The following PRKCB variants were observed in gnomAD, a reference collection of about 807,000 sequenced individuals.
The protein encoded by PRKCB is protein kinase C beta, also known as protein kinase C beta type.
In PRKCB, 13 loss-of-function variants were observed where a neutral mutation model predicts 81.5. The observed-to-expected ratio is 0.16, with a 90% CI of 0.10 to 0.25. PRKCB has a LOEUF of 0.25. Among genes scored for constraint, PRKCB ranks in the 10% least tolerant of loss-of-function variants. The pLI, the probability that PRKCB is intolerant of heterozygous loss-of-function variation, is 1.00. For synonymous variants in PRKCB, 335 were observed against 321.4 expected, an observed-to-expected ratio of 1.04 and a Z score of -0.45; for missense variants, 509 against 875.7, an observed-to-expected ratio of 0.58 and a Z score of 5.29.
At chr16:24,177,054 C>T (rs1305714797) in intron 12 of PRKCB, among the ~76,000 whole-genome samples, 3 of 152,286 alleles carry the variant, frequency 2.0e-5, no homozygotes, top group Non-Finnish European at 2.9e-5. Context: ...GACCTAACTC[C>T]TATGTGGGAT....
intron 8 of PRKCB, among the ~76,000 whole-genome samples, chr16:24,119,413 C>T (rs768074147): frequency 1.5e-4 from 23 of 152,116 alleles, no homozygotes; most frequent in Non-Finnish European, 2.5e-4. Flanking sequence ...GTTTGAGGTC[C>T]GTGCTCACGT....
At position 23,847,374 on chromosome 16, in the gene PRKCB, ATCTG is replaced by A. The variant is rs1423664760; in HGVS notation, c.205+9971_205+9974del. 0.023 allele frequency among the ~76,000 whole-genome samples: 166 copies of A among 7,078 alleles called. 3 individuals carry two copies. In the East Asian group the frequency reaches 0.25, roughly 11 times the overall value. 4.6% of individuals were successfully genotyped at this position (7,078 alleles called of 152,430 possible). ...TATCTATCTATCTATCTATCTATCT[ATCTG>A]TCCATCTATCTATCTATCCATCCAT... On this transcript the variant is annotated intron_variant, in intron 2 of 16. Transcript: ENST00000643927.
intron 2 of PRKCB, among the ~76,000 whole-genome samples, chr16:23,902,516 C>T (rs1373244557): frequency 6.6e-6 from 1 of 152,026 alleles, no homozygotes; most frequent in Non-Finnish European, 1.5e-5. Context: ...TTTCAGCATC[C>T]TTTGAGGAAT....
At chr16:23,867,365 ACC>A (rs1176261765) in intron 2 of PRKCB, among the ~76,000 whole-genome samples, 2 of 152,094 alleles carry the variant, frequency 1.3e-5, no homozygotes, top group Admixed American at 6.5e-5. Flanking sequence ...CAGGTGATCC[ACC>A]GGCCTCGGCC....
intron 2 of PRKCB, among the ~76,000 whole-genome samples, chr16:23,863,629 G>A (rs1032381772): frequency 6.6e-6 from 1 of 152,104 alleles, no homozygotes; most frequent in South Asian, 2.1e-4. Context: ...TTTCATTTTC[G>A]TATGGAAAGT....
At chr16:24,192,649 G>A (rs1333062023) in intron 16 of PRKCB, among the ~76,000 whole-genome samples, 6 of 152,196 alleles carry the variant, frequency 3.9e-5, no homozygotes, top group Non-Finnish European at 8.8e-5. Context: ...ACATCTGGGG[G>A]TCATGTTATA....
At chr16:24,009,182 T>G in intron 3 of PRKCB, among the ~76,000 whole-genome samples, 1 of 152,214 alleles carries the variant, frequency 6.6e-6, no homozygotes, top group Middle Eastern at 3.2e-3. Flanking sequence ...TTCTTCAGGA[T>G]GTTAATTTCA....
chr16:24,202,380 A>T (rs1230647849), intron 16 of PRKCB, among the ~76,000 whole-genome samples: 1 of 152,136 alleles, frequency 6.6e-6, no homozygotes, highest in Non-Finnish European at 1.5e-5. Context: ...CATCCTATTG[A>T]TATTTTTCTC....
intron 5 of PRKCB, among the ~76,000 whole-genome samples, chr16:24,047,648 G>A (rs1464319463): frequency 2.0e-5 from 3 of 152,178 alleles, no homozygotes; most frequent in Non-Finnish European, 4.4e-5. Flanking sequence ...AACACATTAA[G>A]TCAGATGTTG....
chr16:24,115,024 C>T (rs1596554707), intron 8 of PRKCB, among the ~76,000 whole-genome samples: 1 of 152,164 alleles, frequency 6.6e-6, no homozygotes, highest in Admixed American at 6.6e-5. Context: ...GTATTCTGTT[C>T]TGCAAACAGC....
intron 16 of PRKCB, among the ~76,000 whole-genome samples, chr16:24,211,147 C>G (rs1968132471): frequency 6.6e-6 from 1 of 152,150 alleles, no homozygotes; most frequent in Non-Finnish European, 1.5e-5. Flanking sequence ...TTTTCTGAGA[C>G]CTGAAGCCAA....
At chr16:23,875,507 GA>G (rs1567298325) in intron 2 of PRKCB, among the ~76,000 whole-genome samples, 798 of 18,412 alleles carry the variant, frequency 0.043, 69 homozygotes, top group South Asian at 0.076. Flanking sequence ...ATATATATAT[GA>G]TGTATATCAC....
At chr16:24,181,440 C>T (rs1218713581) in intron 13 of PRKCB, among the ~76,000 whole-genome samples, 1 of 151,982 alleles carries the variant, frequency 6.6e-6, no homozygotes, top group African/African-American at 2.4e-5. Context: ...ATCTTCAAGA[C>T]ACATTGTTAG....
intron 5 of PRKCB, among the ~76,000 whole-genome samples, chr16:24,088,882 A>G (rs367821128): frequency 6.6e-6 from 1 of 152,216 alleles, no homozygotes; most frequent in East Asian, 1.9e-4. Context: ...GTGTCAGTTC[A>G]TAAGACTGGG....
At chr16:23,889,116 GTCCATCCATCCATCCATCCATCCATCCA>G (rs60798460) in intron 2 of PRKCB, among the ~76,000 whole-genome samples, 3,258 of 147,610 alleles carry the variant, frequency 0.022, 122 homozygotes, top group African/African-American at 0.078. Flanking sequence ...CTGTTCACTC[GTCCATCCATCCATCCATCCATCCATCCA>G]TCCATCCATC....
chr16:24,083,727 TGATA>T (rs1486110298), intron 5 of PRKCB, among the ~76,000 whole-genome samples: 5 of 152,050 alleles, frequency 3.3e-5, no homozygotes, highest in African/African-American at 1.2e-4. Context: ...TTTTCCGAGG[TGATA>T]GAACTCTTCT....
At chr16:24,104,740 T>C (rs1157714314) in intron 7 of PRKCB, among the ~76,000 whole-genome samples, 1 of 151,956 alleles carries the variant, frequency 6.6e-6, no homozygotes, top group Non-Finnish European at 1.5e-5. Context: ...GGGGCAGGAG[T>C]GCACCCGGCA....
At chr16:24,192,731 C>T (rs779371755) in intron 16 of PRKCB, among the ~76,000 whole-genome samples, 11 of 152,134 alleles carry the variant, frequency 7.2e-5, no homozygotes, top group Admixed American at 2.0e-4. Context: ...TCAGAGCCAG[C>T]GGTATTGACA....
chr16:23,848,890 T>G (rs1170564310), intron 2 of PRKCB, among the ~76,000 whole-genome samples: 1 of 152,242 alleles, frequency 6.6e-6, no homozygotes, highest in East Asian at 1.9e-4. Context: ...TTCCTAGGAC[T>G]GGGCACTGTC....
Sources: allele counts gnomAD v4.1 joint callset (sites outside exome capture counted in the v4.1 genomes callset), GRCh38; gene constraint gnomAD v4.1.1; transcripts MANE v1.5; gene names NCBI Gene and HGNC (gene_info 2026-07-23, HGNC 2026-07-21).